Variants in FAM72B observed in about 807,000 individuals in gnomAD.
FAM72B encodes the protein RUMY family member 2, also known as protein FAM72B.
In FAM72B, 4 loss-of-function variants were observed where a neutral mutation model predicts 12.6. The observed-to-expected ratio is 0.32, with a 90% CI of 0.16 to 0.73. The LOEUF (loss-of-function observed/expected upper bound fraction) is 0.73, where lower values mean the gene tolerates loss of function less well. Ranked by LOEUF, FAM72B falls within the 30% of genes least tolerant of loss-of-function variation. FAM72B has a pLI of 0.67. For missense variants in FAM72B, 61 were observed against 158.4 expected (o/e 0.39, Z 3.30); for synonymous variants, 13 against 53.9 (o/e 0.24, Z 3.32).
At chr1:121,173,070 T>C (rs1553316402) in intron 3 of FAM72B, among the ~76,000 whole-genome samples, 2 of 140,450 alleles carry the variant, frequency 1.4e-5, no homozygotes, top group African/African-American at 5.3e-5. Flanking sequence ...AGAGTGAAAC[T>C]CTGTCTCAAA....
intron 2 of FAM72B, among the ~76,000 whole-genome samples, chr1:121,179,742 C>T (rs1219635949): frequency 4.2e-5 from 6 of 141,666 alleles, no homozygotes; most frequent in Non-Finnish European, 9.1e-5. Flanking sequence ...GCAGGAGATT[C>T]GCTTGAACCT....
At chr1:121,180,468 G>T (rs1353607802) in intron 2 of FAM72B, among the ~76,000 whole-genome samples, 1 of 128,992 alleles carries the variant, frequency 7.8e-6, no homozygotes, top group Non-Finnish European at 1.6e-5. Flanking sequence ...AGAATCACTT[G>T]AACCTGGGAG....
rs587726254 is a variant in FAM72B at position 121,168,836 on chromosome 1, C to T, written c.356-1G>A. 1 of 1,605,070 alleles carries T rather than the reference C, an allele frequency of 6.2e-7. No individual in the cohort carries two copies. Among genetic ancestry groups the T allele is most frequent in the South Asian group, 1.1e-5 (1 of 89,228 alleles). On this transcript the variant is annotated splice_acceptor_variant, in intron 3 of 3. Transcript: ENST00000369390. LOFTEE classifies it high-confidence loss of function. ...TTGCCCCAAAGTAGGATGTTTACAC[C>T]TGAAAATAAAAAATCATAAAATTCT...
chr1:121,179,262 C>T (rs1654277798), intron 2 of FAM72B, among the ~76,000 whole-genome samples: 2 of 149,862 alleles, frequency 1.3e-5, no homozygotes, highest in African/African-American at 4.9e-5. Flanking sequence ...CCTGTAGTCC[C>T]AGCTACTCGG....
At position 121,183,683 on chromosome 1, in the gene FAM72B, G is replaced by A. The variant is rs587617096; in HGVS notation, c.-194C>T. On this transcript the variant is annotated 5_prime_UTR_variant, in exon 1 of 4. Transcript: ENST00000369390. Reference sequence around the variant, plus strand: ...AGTAGAAGAAGTATTTATTGAGTAGGAACAGGGGAGCGTGGCAAACTTGGC... The same window carrying A: ...AGTAGAAGAAGTATTTATTGAGTAGAAACAGGGGAGCGTGGCAAACTTGGC... The A allele has an allele frequency of 7.8e-5, 48 of 618,572 alleles. No homozygotes were observed. In the South Asian group the frequency reaches 8.5e-4, roughly 11 times the overall value. 38.3% of individuals were successfully genotyped at this position (618,572 alleles called of 1,614,324 possible).
intron 3 of FAM72B, among the ~76,000 whole-genome samples, chr1:121,171,682 C>T (rs1570678737): frequency 8.1e-6 from 1 of 123,616 alleles, no homozygotes; most frequent in East Asian, 2.7e-4. Context: ...TTTAATGTGT[C>T]CCATGGGCAA....
intron 3 of FAM72B, among the ~76,000 whole-genome samples, chr1:121,172,677 C>T (rs1418361368): frequency 2.1e-5 from 3 of 140,372 alleles, no homozygotes; most frequent in Non-Finnish European, 4.5e-5. Context: ...GCAGGAGAAT[C>T]ACTTGAACCC....
At position 121,168,545 on chromosome 1, in the gene FAM72B, A is replaced by T; in HGVS notation, c.*196T>A. The T allele has an allele frequency of 1.9e-6, 1 of 517,296 alleles. No homozygotes were observed. Among genetic ancestry groups the T allele is most frequent in the Admixed American group, 3.8e-5 (1 of 25,992 alleles). 32.0% of individuals were successfully genotyped at this position (517,296 alleles called of 1,614,324 possible). On this transcript the variant is annotated 3_prime_UTR_variant, in exon 4 of 4. Coordinates refer to ENST00000369390, the MANE Select transcript of FAM72B (RefSeq NM_001100910.2). ...AAAAAGGTGGGGGAGAGGAAGTAGA[A>T]GTAGAGGAAAAGCACAACTCCACTG...
intron 2 of FAM72B, among the ~76,000 whole-genome samples, chr1:121,178,745 G>A (rs1276388913): frequency 6.6e-6 from 1 of 151,876 alleles, no homozygotes; most frequent in Admixed American, 6.6e-5. Flanking sequence ...ACAGTCTAGC[G>A]AGGCTACATC....
chr1:121,183,588 A>T lies in FAM72B; in HGVS notation c.-99T>A, dbSNP rs587740859. On this transcript the variant is annotated 5_prime_UTR_variant, in exon 1 of 4. Transcript: ENST00000369390. ...CCTAGGCTAAAATTCAAGTTGCGGG[A>T]CCTAGAGCTTTTCTAAGTCCTAATA... 1 of 1,607,398 alleles carries T rather than the reference A, an allele frequency of 6.2e-7. No individual in the cohort carries two copies. The highest frequency in any genetic ancestry group is 8.5e-7 in the Non-Finnish European group (1 of 1,177,806).
At chr1:121,180,039 C>T (rs1389705222) in intron 2 of FAM72B, among the ~76,000 whole-genome samples, 39 of 87,362 alleles carry the variant, frequency 4.5e-4, no homozygotes, top group African/African-American at 2.1e-3. Context: ...TAATACAAAC[C>T]CCTTCTAAAT....
intron 3 of FAM72B, among the ~76,000 whole-genome samples, chr1:121,174,695 A>G (rs1421872898): frequency 4.9e-4 from 69 of 140,214 alleles, no homozygotes; most frequent in African/African-American, 1.7e-3. Context: ...TTTCAGATGG[A>G]GTTTCACTCT....
chr1:121,168,810 G>A lies in FAM72B; in HGVS notation c.381C>T (p.Asn127=). 6.2e-7 allele frequency: 1 copy of A among 1,608,922 alleles called. No individual in the cohort carries two copies. Among genetic ancestry groups the A allele is most frequent in the Non-Finnish European group, 8.5e-7 (1 of 1,178,874 alleles). The part of the protein sequence containing the change: ...STGVNILLWG[N]LPEIEESTDE... ...CTGTACTCTCTTCTATCTCTGGCAA[G>A]TTGCCCCAAAGTAGGATGTTTACAC... The change falls in exon 4 of 4, where the codon AAC becomes AAT. Residue 127 remains asparagine, a synonymous_variant. Transcript: ENST00000369390.
intron 1 of FAM72B, 194 bp downstream of exon 1, chr1:121,183,144 C>G: frequency 1.0e-5 from 2 of 199,260 alleles, no homozygotes; most frequent in Admixed American, 1.0e-4. Flanking sequence ...TACATCAGGA[C>G]TGACCACCTT....
chr1:121,173,000 C>A (rs1260248222), intron 3 of FAM72B, among the ~76,000 whole-genome samples: 2 of 136,240 alleles, frequency 1.5e-5, no homozygotes, highest in African/African-American at 5.6e-5. Context: ...TCGCTTGAAC[C>A]CGGGAGGCAG....
chr1:121,170,216 C>T (rs1553316029), intron 3 of FAM72B, among the ~76,000 whole-genome samples: 2 of 145,560 alleles, frequency 1.4e-5, no homozygotes, highest in African/African-American at 5.1e-5. Context: ...GGTGATCCCC[C>T]TCGCCTCGGC....
chr1:121,183,600 T>C lies in FAM72B; in HGVS notation c.-111A>G, dbSNP rs1222361101. On this transcript the variant is annotated 5_prime_UTR_variant, in exon 1 of 4. Transcript: ENST00000369390. Reference sequence around the variant, plus strand: ...TTCAAGTTGCGGGACCTAGAGCTTTTCTAAGTCCTAATATTGGGAAGGAAA... The same window carrying C: ...TTCAAGTTGCGGGACCTAGAGCTTTCCTAAGTCCTAATATTGGGAAGGAAA... The C allele has an allele frequency of 2.4e-5, 38 of 1,602,952 alleles. No homozygotes were observed. Among genetic ancestry groups the C allele is most frequent in the Non-Finnish European group, 3.0e-5 (35 of 1,176,504 alleles).
chr1:121,172,757 T>A (rs1240681276), intron 3 of FAM72B, among the ~76,000 whole-genome samples: 1 of 44,638 alleles, frequency 2.2e-5, no homozygotes, highest in East Asian at 5.7e-4. Context: ...AATGACTCCA[T>A]CTCAAAAAAA....
At chr1:121,173,074 T>A (rs587620065) in intron 3 of FAM72B, among the ~76,000 whole-genome samples, 33 of 140,524 alleles carry the variant, frequency 2.3e-4, no homozygotes, top group South Asian at 1.6e-3. Flanking sequence ...TGAAACTCTG[T>A]CTCAAAAAAA....
Sources: gnomAD v4.1 joint callset for allele counts (sites outside exome capture counted in the v4.1 genomes callset) on GRCh38, gnomAD v4.1.1 for gene constraint, MANE v1.5 for transcripts, NCBI Gene and HGNC (gene_info 2026-07-23, HGNC 2026-07-21) for gene names.